Variants in ZFAND3 observed in about 807,000 individuals in gnomAD.
The protein encoded by ZFAND3 is zinc finger AN1-type containing 3.
In ZFAND3, 10 loss-of-function variants were observed where a neutral mutation model predicts 29.6. The ratio of observed to expected loss-of-function variants is 0.34; its 90% CI spans 0.21 to 0.57. The LOEUF is 0.57. Ranked by LOEUF, ZFAND3 falls within the 20% of genes least tolerant of loss-of-function variation. The probability of loss-of-function intolerance (pLI) is 0.86; values close to 1 mark genes in which losing one functional copy is unlikely to be tolerated. For synonymous variants in ZFAND3, 128 were observed against 112.6 expected (o/e 1.14, Z -0.87); for missense variants, 230 against 304.5 (o/e 0.76, Z 1.82).
chr6:37,982,808 G>T (rs573034623), intron 2 of ZFAND3, among the ~76,000 whole-genome samples: 252 of 152,242 alleles, frequency 1.7e-3, no homozygotes, highest in Non-Finnish European at 3.2e-3. Flanking sequence ...CCAGAAGAAG[G>T]CAGTGTTGTC....
chr6:38,081,105 C>G (rs555068299), intron 3 of ZFAND3, among the ~76,000 whole-genome samples: 2 of 152,062 alleles, frequency 1.3e-5, no homozygotes, highest in Admixed American at 1.3e-4. Flanking sequence ...CACTTTCTAT[C>G]TAGCTATTTA....
intron 5 of ZFAND3, among the ~76,000 whole-genome samples, chr6:38,145,818 G>A (rs1766094056): frequency 6.6e-6 from 1 of 152,162 alleles, no homozygotes; most frequent in African/African-American, 2.4e-5. Context: ...AGATGTTCTG[G>A]TTTAATATTT....
intron 2 of ZFAND3, among the ~76,000 whole-genome samples, chr6:37,985,325 T>G (rs1462096421): frequency 6.6e-6 from 1 of 152,072 alleles, no homozygotes; most frequent in Non-Finnish European, 1.5e-5. Context: ...ATGAAATAAC[T>G]CAGTTTAACA....
At chr6:38,040,873 CTGT>C (rs1343028705) in intron 2 of ZFAND3, among the ~76,000 whole-genome samples, 11 of 152,182 alleles carry the variant, frequency 7.2e-5, no homozygotes, top group Non-Finnish European at 1.5e-5. Context: ...TGATAAACTT[CTGT>C]TATCTGATCC....
chr6:38,122,131 T>C (rs1302804651), intron 5 of ZFAND3, among the ~76,000 whole-genome samples: 1 of 152,222 alleles, frequency 6.6e-6, no homozygotes, highest in African/African-American at 2.4e-5. Flanking sequence ...TGATTTGTTA[T>C]GGTACAGTTG....
At chr6:37,848,140 T>C (rs1269563907) in intron 1 of ZFAND3, among the ~76,000 whole-genome samples, 3 of 152,260 alleles carry the variant, frequency 2.0e-5, no homozygotes, top group Non-Finnish European at 4.4e-5. Flanking sequence ...CATTACTGTT[T>C]TGAGAACTTT....
chr6:37,844,060 A>C (rs1197038929), intron 1 of ZFAND3, among the ~76,000 whole-genome samples: 1 of 151,764 alleles, frequency 6.6e-6, no homozygotes, highest in African/African-American at 2.4e-5. Flanking sequence ...TGGGACCACA[A>C]GACCACCACG....
intron 1 of ZFAND3, among the ~76,000 whole-genome samples, chr6:37,859,186 A>C (rs1226208464): frequency 6.6e-6 from 1 of 152,180 alleles, no homozygotes; most frequent in African/African-American, 2.4e-5. Context: ...TTTCAATTCC[A>C]TTACCTGCTT....
chr6:37,854,275 C>A (rs1484097034), intron 1 of ZFAND3, among the ~76,000 whole-genome samples: 1 of 152,100 alleles, frequency 6.6e-6, no homozygotes, highest in East Asian at 1.9e-4. Context: ...GTGGACTAAC[C>A]CACTCTAGGT....
chr6:38,140,121 A>C (rs1345637453), intron 5 of ZFAND3, among the ~76,000 whole-genome samples: 4 of 152,218 alleles, frequency 2.6e-5, no homozygotes, highest in Admixed American at 2.6e-4. Flanking sequence ...AGGAAGTAGC[A>C]AGTGTCCTAT....
At chr6:38,133,276 G>A (rs1193836921) in intron 5 of ZFAND3, among the ~76,000 whole-genome samples, 4 of 152,080 alleles carry the variant, frequency 2.6e-5, no homozygotes, top group South Asian at 2.1e-4. Flanking sequence ...TGCAGTTCTC[G>A]GCTCTTACTG....
At chr6:37,912,776 C>T (rs1003765266) in intron 1 of ZFAND3, among the ~76,000 whole-genome samples, 1 of 152,030 alleles carries the variant, frequency 6.6e-6, no homozygotes, top group African/African-American at 2.4e-5. Context: ...AGTAAATAGT[C>T]CTGTAGATGA....
chr6:38,059,389 A>T (rs1696840886), intron 2 of ZFAND3, among the ~76,000 whole-genome samples: 1 of 151,986 alleles, frequency 6.6e-6, no homozygotes, highest in Non-Finnish European at 1.5e-5. Context: ...CTCTCTCAAC[A>T]TTCTTTTTGA....
chr6:37,968,467 G>C (rs1762329385), intron 2 of ZFAND3, among the ~76,000 whole-genome samples: 1 of 151,578 alleles, frequency 6.6e-6, no homozygotes, highest in Non-Finnish European at 1.5e-5. Context: ...GCCTGAAGCT[G>C]GGTGTTAATA....
chr6:38,030,545 C>A (rs1462852646), intron 2 of ZFAND3, among the ~76,000 whole-genome samples: 1 of 152,096 alleles, frequency 6.6e-6, no homozygotes, highest in Non-Finnish European at 1.5e-5. Flanking sequence ...GAAAAGGACA[C>A]ATTTCATTCC....
At chr6:38,011,595 G>T (rs1763154481) in intron 2 of ZFAND3, among the ~76,000 whole-genome samples, 1 of 152,046 alleles carries the variant, frequency 6.6e-6, no homozygotes, top group African/African-American at 2.4e-5. Context: ...TTTGTACTTT[G>T]TGGCATTTAT....
intron 1 of ZFAND3, among the ~76,000 whole-genome samples, chr6:37,897,758 T>G (rs1034538088): frequency 2.0e-5 from 3 of 152,226 alleles, no homozygotes; most frequent in Non-Finnish European, 4.4e-5. Context: ...TTCCATTTTT[T>G]TATTGACCGC....
chr6:37,886,190 A>G (rs896851861), intron 1 of ZFAND3, among the ~76,000 whole-genome samples: 1 of 136,672 alleles, frequency 7.3e-6, no homozygotes, highest in Non-Finnish European at 1.5e-5. Context: ...GTGAGCTGAG[A>G]TTGCGCCACT....
At chr6:37,929,048 C>T (rs186337897) in intron 1 of ZFAND3, among the ~76,000 whole-genome samples, 1 of 152,252 alleles carries the variant, frequency 6.6e-6, no homozygotes, top group Non-Finnish European at 1.5e-5. Flanking sequence ...TTGAATAATG[C>T]CTTGGCAGAG....
Sources: allele counts gnomAD v4.1 joint callset (sites outside exome capture counted in the v4.1 genomes callset), GRCh38; gene constraint gnomAD v4.1.1; transcripts MANE v1.5; gene names NCBI Gene and HGNC (gene_info 2026-07-23, HGNC 2026-07-21).